FLI1: variants seen among roughly 807,000 people sequenced by gnomAD.
FLI1 encodes Friend leukemia integration 1 transcription factor.
FLI1 carries 13 observed loss-of-function variants against 53.1 expected under a neutral mutation model. That is an observed-to-expected ratio of 0.24 (90% CI 0.16 to 0.39). FLI1 has a LOEUF of 0.39. Ranked by LOEUF, FLI1 falls within the 10% of genes least tolerant of loss-of-function variation. The pLI is 1.00. For synonymous variants in FLI1, 244 were observed against 236.7 expected (o/e 1.03, Z -0.28); for missense variants, 424 against 600.5 (o/e 0.71, Z 3.07).
chr11:128,796,871 A>T (rs542858128), intron 5 of FLI1, among the ~76,000 whole-genome samples: 1 of 152,350 alleles, frequency 6.6e-6, no homozygotes, highest in South Asian at 2.1e-4. Context: ...GCTACTCAGG[A>T]GGCTGAGGCA....
intron 4 of FLI1, among the ~76,000 whole-genome samples, chr11:128,779,917 C>T (rs1941856435): frequency 6.6e-6 from 1 of 152,224 alleles, no homozygotes; most frequent in Non-Finnish European, 1.5e-5. Flanking sequence ...GCTTACTAAG[C>T]TGTATAGCAT....
chr11:128,734,127 G>A (rs606316), intron 1 of FLI1, among the ~76,000 whole-genome samples: 23,540 of 152,236 alleles, frequency 0.15, 2,188 homozygotes, highest in East Asian at 0.34. Flanking sequence ...ATTTGCCAAA[G>A]ATTTGACTTG....
At chr11:128,766,236 G>A (rs1370661467) in intron 2 of FLI1, among the ~76,000 whole-genome samples, 1 of 152,190 alleles carries the variant, frequency 6.6e-6, no homozygotes, top group African/African-American at 2.4e-5. Flanking sequence ...AGGTCCTTCC[G>A]CAGCAGAAGC....
intron 1 of FLI1, among the ~76,000 whole-genome samples, chr11:128,750,831 C>T (rs1448190957): frequency 2.6e-5 from 4 of 152,218 alleles, no homozygotes; most frequent in Non-Finnish European, 4.4e-5. Context: ...ACATATGTGA[C>T]AAATTCCAAA....
At chr11:128,783,610 G>A (rs1034893232) in intron 5 of FLI1, among the ~76,000 whole-genome samples, 2 of 152,188 alleles carry the variant, frequency 1.3e-5, no homozygotes, top group Non-Finnish European at 2.9e-5. Context: ...ATGTCTGTAA[G>A]AGAGAAAATA....
intron 4 of FLI1, among the ~76,000 whole-genome samples, chr11:128,780,148 C>CT (rs761018300): frequency 2.0e-5 from 3 of 152,148 alleles, no homozygotes; most frequent in Non-Finnish European, 4.4e-5. Context: ...ATGTAGCTGG[C>CT]TCTTGGATGT....
intron 1 of FLI1, among the ~76,000 whole-genome samples, chr11:128,752,661 G>A (rs1940697652): frequency 6.6e-6 from 1 of 152,204 alleles, no homozygotes; most frequent in Non-Finnish European, 1.5e-5. Context: ...CTGTGTGCCT[G>A]AGCAAGTTAT....
chr11:128,725,143 G>C (rs1031993281), intron 1 of FLI1, among the ~76,000 whole-genome samples: 5 of 152,174 alleles, frequency 3.3e-5, no homozygotes, highest in Admixed American at 1.3e-4. Flanking sequence ...TGAGTAGTTT[G>C]TTCTGATTTC....
chr11:128,688,288 G>C (rs1475154557), intron 1 of FLI1, among the ~76,000 whole-genome samples: 3 of 152,250 alleles, frequency 2.0e-5, no homozygotes, highest in Admixed American at 2.0e-4. Flanking sequence ...GGAGACGGCA[G>C]TCTGGGAGCT....
At chr11:128,790,264 T>A (rs1375683273) in intron 5 of FLI1, among the ~76,000 whole-genome samples, 1 of 151,446 alleles carries the variant, frequency 6.6e-6, no homozygotes. Flanking sequence ...TTTTTTTTTT[T>A]TTCCACGAGA....
At chr11:128,743,824 T>C (rs78389488) in intron 1 of FLI1, among the ~76,000 whole-genome samples, 13,956 of 152,222 alleles carry the variant, frequency 0.092, 1,111 homozygotes, top group East Asian at 0.26. Flanking sequence ...CCCAATGAAA[T>C]GTTTTCTTTG....
chr11:128,757,969 T>C, intron 1 of FLI1, 146 bp from the exon 2 acceptor site: 1 of 674,488 alleles, frequency 1.5e-6, no homozygotes, highest in Non-Finnish European at 2.5e-6. Context: ...AGGGCAAACC[T>C]GCCCCCTGGA....
intron 1 of FLI1, among the ~76,000 whole-genome samples, chr11:128,721,873 G>C (rs923012474): frequency 6.6e-6 from 1 of 152,188 alleles, no homozygotes; most frequent in African/African-American, 2.4e-5. Flanking sequence ...CAAGCCCAGT[G>C]ACTCAGGCCA....
intron 1 of FLI1, among the ~76,000 whole-genome samples, chr11:128,729,480 C>T (rs892233915): frequency 2.0e-5 from 3 of 152,088 alleles, no homozygotes; most frequent in Non-Finnish European, 2.9e-5. Flanking sequence ...CAATGGTTGG[C>T]GATGCTTTGC....
chr11:128,717,582 A>T (rs920464511), intron 1 of FLI1, among the ~76,000 whole-genome samples: 1 of 152,136 alleles, frequency 6.6e-6, no homozygotes, highest in Non-Finnish European at 1.5e-5. Context: ...GTTTATAAAC[A>T]TCCCCTTTAC....
At chr11:128,710,797 A>G (rs1218486920) in intron 1 of FLI1, among the ~76,000 whole-genome samples, 1 of 152,220 alleles carries the variant, frequency 6.6e-6, no homozygotes, top group Non-Finnish European at 1.5e-5. Flanking sequence ...TGCATTTGAT[A>G]TGGGAGCAAT....
At chr11:128,714,328 C>T (rs1938917831) in intron 1 of FLI1, among the ~76,000 whole-genome samples, 1 of 152,130 alleles carries the variant, frequency 6.6e-6, no homozygotes, top group African/African-American at 2.4e-5. Flanking sequence ...TCTCATGCTG[C>T]AGTTTCCTCA....
At chr11:128,756,967 C>A (rs1371180574) in intron 1 of FLI1, among the ~76,000 whole-genome samples, 1 of 152,214 alleles carries the variant, frequency 6.6e-6, no homozygotes, top group East Asian at 1.9e-4. Context: ...ACTGCAGCCT[C>A]TACTTCCGGG....
At chr11:128,803,550 A>G (rs531932453) in intron 5 of FLI1, among the ~76,000 whole-genome samples, 3 of 152,314 alleles carry the variant, frequency 2.0e-5, no homozygotes, top group Middle Eastern at 3.4e-3. Context: ...GTCAACCTCC[A>G]GGAACCCTTT....
Sources: allele counts gnomAD v4.1 joint callset (sites outside exome capture counted in the v4.1 genomes callset), GRCh38; gene constraint gnomAD v4.1.1; transcripts MANE v1.5; gene names NCBI Gene and HGNC (gene_info 2026-07-23, HGNC 2026-07-21).